The following SNTG1 variants were observed in gnomAD, a reference collection of about 807,000 sequenced individuals.
SNTG1 encodes gamma-1-syntrophin.
In SNTG1, 39 loss-of-function variants were observed where a neutral mutation model predicts 74.7. That is an observed-to-expected ratio of 0.52 (90% CI 0.40 to 0.68). The LOEUF is 0.68. SNTG1 is among the 30% of genes least tolerant of loss of function. The pLI, the probability that SNTG1 is intolerant of heterozygous loss-of-function variation, is 0.00. For missense variants in SNTG1, 685 were observed against 609.5 expected (o/e 1.12, Z -1.30); for synonymous variants, 254 against 217.1 (o/e 1.17, Z -1.49).
intron 13 of SNTG1, among the ~76,000 whole-genome samples, chr8:50,612,009 C>T (rs780546032): frequency 6.6e-6 from 1 of 152,114 alleles, no homozygotes; most frequent in Admixed American, 6.5e-5. Context: ...TCATCTGCCT[C>T]GGCCTCCCAA....
At chr8:50,751,342 C>T (rs569610144) in intron 17 of SNTG1, among the ~76,000 whole-genome samples, 1 of 151,994 alleles carries the variant, frequency 6.6e-6, no homozygotes, top group African/African-American at 2.4e-5. Flanking sequence ...ATTTATGATA[C>T]AGGATAGACA....
At chr8:50,307,479 T>C (rs2089949456) in intron 2 of SNTG1, among the ~76,000 whole-genome samples, 1 of 152,134 alleles carries the variant, frequency 6.6e-6, no homozygotes, top group Non-Finnish European at 1.5e-5. Context: ...CTCTCTTCCA[T>C]CTTTCTGTTT....
chr8:50,192,541 T>C (rs372573994), intron 2 of SNTG1, among the ~76,000 whole-genome samples: 3 of 152,186 alleles, frequency 2.0e-5, no homozygotes, highest in African/African-American at 7.2e-5. Context: ...TGTTGTAGAT[T>C]GTGGATATTA....
intron 2 of SNTG1, among the ~76,000 whole-genome samples, chr8:50,378,143 G>A (rs555798626): frequency 9.8e-5 from 15 of 152,322 alleles, no homozygotes; most frequent in South Asian, 4.1e-4. Context: ...CACGGGGTTC[G>A]GCCACTGCAC....
At chr8:50,002,444 T>C (rs1211230533) in intron 1 of SNTG1, among the ~76,000 whole-genome samples, 1 of 152,136 alleles carries the variant, frequency 6.6e-6, no homozygotes, top group Non-Finnish European at 1.5e-5. Context: ...TTTATATATT[T>C]TCAGTAATAA....
chr8:50,377,107 A>G (rs957024004), intron 2 of SNTG1, among the ~76,000 whole-genome samples: 2 of 152,074 alleles, frequency 1.3e-5, no homozygotes, highest in Non-Finnish European at 2.9e-5. Flanking sequence ...CTCTTGGGGA[A>G]TTCGGGAGGT....
chr8:50,261,409 C>A (rs143237966), intron 2 of SNTG1, among the ~76,000 whole-genome samples: 3 of 151,646 alleles, frequency 2.0e-5, no homozygotes, highest in Admixed American at 6.6e-5. Flanking sequence ...GTTAGTTCTT[C>A]GAAAAATAGG....
chr8:50,443,004 C>G (rs2093372707), intron 5 of SNTG1, among the ~76,000 whole-genome samples: 1 of 152,184 alleles, frequency 6.6e-6, no homozygotes, highest in African/African-American at 2.4e-5. Context: ...AGTGCCCATC[C>G]TCTGGGCTGG....
At chr8:50,649,834 A>G (rs1355913946) in intron 13 of SNTG1, among the ~76,000 whole-genome samples, 1 of 151,906 alleles carries the variant, frequency 6.6e-6, no homozygotes. Flanking sequence ...TCAGTAATAT[A>G]ATTTATTTTG....
intron 13 of SNTG1, among the ~76,000 whole-genome samples, chr8:50,655,205 G>A (rs2095172485): frequency 1.3e-5 from 2 of 152,176 alleles, no homozygotes; most frequent in Admixed American, 1.3e-4. Context: ...ACTACTGGAA[G>A]TGTAAGCTAT....
At chr8:50,204,648 C>T (rs1195939520) in intron 2 of SNTG1, among the ~76,000 whole-genome samples, 1 of 151,984 alleles carries the variant, frequency 6.6e-6, no homozygotes, top group Non-Finnish European at 1.5e-5. Flanking sequence ...TATACATGTG[C>T]CATATTGGTG....
intron 2 of SNTG1, among the ~76,000 whole-genome samples, chr8:50,214,039 C>A (rs2084653105): frequency 6.6e-6 from 1 of 151,840 alleles, no homozygotes; most frequent in Non-Finnish European, 1.5e-5. Flanking sequence ...CCTAGGTTTT[C>A]TTCTAGGGTT....
chr8:50,679,177 G>A (rs1213705561), intron 15 of SNTG1, among the ~76,000 whole-genome samples: 1 of 151,834 alleles, frequency 6.6e-6, no homozygotes, highest in Admixed American at 6.6e-5. Context: ...ATTTATTTCT[G>A]GAAATAATCT....
At chr8:50,476,885 C>CAT (rs1406079133) in intron 8 of SNTG1, among the ~76,000 whole-genome samples, 2 of 151,384 alleles carry the variant, frequency 1.3e-5, no homozygotes, top group African/African-American at 4.9e-5. Context: ...CACACACACA[C>CAT]AGAGGGATAA....
chr8:50,277,264 CAAAAAAA>C (rs11361478), intron 2 of SNTG1, among the ~76,000 whole-genome samples: 3 of 95,164 alleles, frequency 3.2e-5, no homozygotes, highest in African/African-American at 1.4e-4. Context: ...AAGACCCTGC[CAAAAAAA>C]AAAAAAAAAA....
chr8:50,736,292 G>A (rs2095528538), intron 17 of SNTG1, among the ~76,000 whole-genome samples: 2 of 151,756 alleles, frequency 1.3e-5, no homozygotes, highest in Admixed American at 1.3e-4. Flanking sequence ...AATTGCAAAT[G>A]GGCTAAATGC....
chr8:50,506,674 T>C lies in SNTG1; in HGVS notation c.466+3794T>C, dbSNP rs564126931. On this transcript the variant is annotated intron_variant, in intron 9 of 18. Transcript: ENST00000642720. ...TTATGTTGTCTATTCTGCAACTTCC[T>C]TAAACTTGTTTATTAGATCTAACAT... is the stretch of plus-strand genomic sequence containing the variant. Among the ~76,000 whole-genome samples, 5 of 152,232 alleles carry C rather than the reference T, an allele frequency of 3.3e-5. No homozygotes were observed. In the South Asian group the frequency reaches 1.0e-3, roughly 31 times the overall value.
chr8:50,096,110 T>C (rs1278592153), intron 1 of SNTG1, among the ~76,000 whole-genome samples: 1 of 152,168 alleles, frequency 6.6e-6, no homozygotes, highest in Non-Finnish European at 1.5e-5. Flanking sequence ...TGATGTGCAA[T>C]TTGGTTTTGT....
At chr8:50,293,165 C>T (rs576104568) in intron 2 of SNTG1, among the ~76,000 whole-genome samples, 7 of 152,222 alleles carry the variant, frequency 4.6e-5, no homozygotes, top group Non-Finnish European at 7.4e-5. Flanking sequence ...TTATCATAGC[C>T]GAGTACTAAA....
Sources: gnomAD v4.1 joint callset for allele counts (sites outside exome capture counted in the v4.1 genomes callset) on GRCh38, gnomAD v4.1.1 for gene constraint, MANE v1.5 for transcripts, NCBI Gene and HGNC (gene_info 2026-07-23, HGNC 2026-07-21) for gene names.